GALNT13: variants seen among roughly 807,000 people sequenced by gnomAD.
The protein encoded by GALNT13 is polypeptide N-acetylgalactosaminyltransferase 13, also known as UDP-GalNAc:polypeptide N-acetylgalactosaminyltransferase 13.
Under a neutral mutation model 64.2 loss-of-function variants are expected in GALNT13, and 28 were observed. The observed-to-expected ratio is 0.44, with a 90% CI of 0.32 to 0.60. The LOEUF (loss-of-function observed/expected upper bound fraction) is 0.60, where lower values mean the gene tolerates loss of function less well. GALNT13 is among the 20% of genes least tolerant of loss of function. The pLI, the probability that GALNT13 is intolerant of heterozygous loss-of-function variation, is 0.05. For missense variants in GALNT13, 577 were observed against 669.8 expected (o/e 0.86, Z 1.53); for synonymous variants, 214 against 224.6 (o/e 0.95, Z 0.42).
chr2:153,568,885 G>C, the GALNT13 span, among the ~76,000 whole-genome samples: 4 of 152,186 alleles, frequency 2.6e-5, no homozygotes, highest in African/African-American at 9.7e-5. Flanking sequence ...CATGGACATA[G>C]AGTATGTCTA....
the GALNT13 span, among the ~76,000 whole-genome samples, chr2:153,204,794 C>T: frequency 6.6e-6 from 1 of 152,084 alleles, no homozygotes; most frequent in African/African-American, 2.4e-5. Context: ...GATGAGTCAA[C>T]TATCTATACA....
At chr2:153,442,058 A>G in the GALNT13 span, among the ~76,000 whole-genome samples, 28 of 152,250 alleles carry the variant, frequency 1.8e-4, no homozygotes, top group Non-Finnish European at 4.0e-4. Context: ...GCTTTTGCCC[A>G]ATCAGTATGA....
intron 9 of GALNT13, among the ~76,000 whole-genome samples, chr2:154,339,984 G>T (rs1275134385): frequency 1.3e-5 from 2 of 152,218 alleles, no homozygotes; most frequent in South Asian, 2.1e-4. Context: ...TTTTGCAGGT[G>T]TATTAGGTCA....
chr2:154,131,747 T>C (rs893206678), intron 3 of GALNT13, among the ~76,000 whole-genome samples: 1 of 152,190 alleles, frequency 6.6e-6, no homozygotes, highest in African/African-American at 2.4e-5. Context: ...TTAAGGAATA[T>C]TGATTCACGT....
At chr2:153,672,034 G>A in the GALNT13 span, among the ~76,000 whole-genome samples, 16 of 152,256 alleles carry the variant, frequency 1.1e-4, no homozygotes, top group South Asian at 3.1e-3. Flanking sequence ...CAATACAGGA[G>A]CACCCAGATT....
the GALNT13 span, among the ~76,000 whole-genome samples, chr2:153,705,776 C>T: frequency 6.6e-6 from 1 of 152,122 alleles, no homozygotes; most frequent in Non-Finnish European, 1.5e-5. Flanking sequence ...AAATATTTTC[C>T]ACTTCTTATG....
the GALNT13 span, among the ~76,000 whole-genome samples, chr2:153,425,772 A>C: frequency 3.9e-4 from 60 of 152,012 alleles, no homozygotes; most frequent in East Asian, 0.011. Context: ...ATGGTCTAAA[A>C]ATTTTTATTA....
chr2:153,752,527 C>T, the GALNT13 span, among the ~76,000 whole-genome samples: 2 of 151,982 alleles, frequency 1.3e-5, no homozygotes, highest in South Asian at 4.1e-4. Flanking sequence ...AGGGTAAAAG[C>T]TTCTTTTGTC....
the GALNT13 span, among the ~76,000 whole-genome samples, chr2:153,091,428 G>A: frequency 7.9e-5 from 12 of 152,150 alleles, no homozygotes; most frequent in Non-Finnish European, 1.5e-4. Context: ...TGTGTTCAGA[G>A]GCAGGTTTTC....
chr2:153,726,821 T>C, the GALNT13 span, among the ~76,000 whole-genome samples: 879 of 151,326 alleles, frequency 5.8e-3, 4 homozygotes, highest in Middle Eastern at 0.01. Context: ...GCACCTGTAG[T>C]CCCAGCTACT....
the GALNT13 span, among the ~76,000 whole-genome samples, chr2:153,550,695 C>T: frequency 0.011 from 1,707 of 152,302 alleles, 28 homozygotes; most frequent in African/African-American, 0.039. Context: ...GACTAATCCT[C>T]AAATACTTGC....
chr2:153,380,919 T>G, the GALNT13 span, among the ~76,000 whole-genome samples: 1 of 152,062 alleles, frequency 6.6e-6, no homozygotes, highest in Admixed American at 6.6e-5. Flanking sequence ...TTGGGGTTTT[T>G]TTGTGTGTTT....
At chr2:153,291,559 C>A in the GALNT13 span, among the ~76,000 whole-genome samples, 1 of 152,060 alleles carries the variant, frequency 6.6e-6, no homozygotes, top group Non-Finnish European at 1.5e-5. Flanking sequence ...TTTTCATCCC[C>A]ACCACCATGC....
the GALNT13 span, among the ~76,000 whole-genome samples, chr2:153,672,284 T>G: frequency 6.6e-6 from 1 of 152,160 alleles, no homozygotes; most frequent in Non-Finnish European, 1.5e-5. Flanking sequence ...TATTCTAAAA[T>G]TGACCACATA....
downstream of GALNT13, among the ~76,000 whole-genome samples, chr2:154,454,045 T>C (rs1701972659): frequency 6.6e-6 from 1 of 152,166 alleles, no homozygotes. Flanking sequence ...CACTTGAAGG[T>C]ATAAGATTTT....
chr2:154,076,500 G>T (rs944896307), intron 3 of GALNT13, among the ~76,000 whole-genome samples: 5 of 151,720 alleles, frequency 3.3e-5, no homozygotes, highest in African/African-American at 1.2e-4. Context: ...AATAAATGGT[G>T]CAGCTGGGAT....
chr2:154,154,200 A>C (rs1684259298), intron 4 of GALNT13, among the ~76,000 whole-genome samples: 1 of 152,220 alleles, frequency 6.6e-6, no homozygotes, highest in African/African-American at 2.4e-5. Flanking sequence ...ACAGCAATTA[A>C]ATCTGATAGT....
intron 11 of GALNT13, among the ~76,000 whole-genome samples, chr2:154,419,680 A>G (rs1700168836): frequency 6.6e-6 from 1 of 152,142 alleles, no homozygotes; most frequent in African/African-American, 2.4e-5. Flanking sequence ...ATAATATTAA[A>G]AAACAGCTTC....
chr2:153,677,329 C>A, the GALNT13 span, among the ~76,000 whole-genome samples: 1 of 133,750 alleles, frequency 7.5e-6, no homozygotes, highest in Non-Finnish European at 1.6e-5. Flanking sequence ...ACACACAATA[C>A]CTATGACTAC....
Sources: allele counts gnomAD v4.1 joint callset (sites outside exome capture counted in the v4.1 genomes callset), GRCh38; gene constraint gnomAD v4.1.1; transcripts MANE v1.5; gene names NCBI Gene and HGNC (gene_info 2026-07-23, HGNC 2026-07-21).